RCAN1: variants seen among roughly 807,000 people sequenced by gnomAD.
The protein encoded by RCAN1 is regulator of calcineurin 1.
RCAN1 carries 11 observed loss-of-function variants against 22.9 expected under a neutral mutation model. The observed-to-expected ratio is 0.48, with a 90% confidence interval of 0.30 to 0.79. RCAN1 has a LOEUF of 0.79. Among genes scored for constraint, RCAN1 ranks in the 30% least tolerant of loss-of-function variants. The pLI, the probability that RCAN1 is intolerant of heterozygous loss-of-function variation, is 0.06. For synonymous variants in RCAN1, 136 were observed against 142.3 expected, an observed-to-expected ratio of 0.96 and a Z score of 0.32; for missense variants, 291 against 337.8, an observed-to-expected ratio of 0.86 and a Z score of 1.09.
chr21:34,614,925 C>A lies in RCAN1; in HGVS notation c.87G>T (p.Thr29=). 1 of 1,377,852 alleles carries A rather than the reference C, an allele frequency of 7.3e-7. No individual in the cohort carries two copies. Among genetic ancestry groups the A allele is most frequent in the South Asian group, 1.4e-5 (1 of 72,780 alleles). The allele number at this position is 1,377,852 out of a possible 1,614,324, so 85.4% of individuals were successfully genotyped here. A position where few individuals can be genotyped will look rare whatever the true frequency, so the allele number is the denominator to read the frequency against. Residue 29 remains threonine (T), a synonymous_variant, in exon 1 of 4, where the codon ACG becomes ACT. Coordinates refer to ENST00000313806, the MANE Select transcript of RCAN1 (RefSeq NM_004414.7). The surrounding 1 kb of genome is among the most constrained non-coding windows in gnomAD (Gnocchi z 6.0). The part of the protein sequence containing the change: ...AAEARARPGV[T]LRPFAPLSGA... ...CCGAGAGGGGCGCGAAGGGCCGCAG[C>A]GTCACCCCGGGCCGCGCTCGCGCCT...
intron 1 of RCAN1, among the ~76,000 whole-genome samples, chr21:34,601,632 C>A (rs1988347846): frequency 1.3e-5 from 2 of 152,078 alleles, no homozygotes; most frequent in Non-Finnish European, 2.9e-5. Flanking sequence ...TCTTGGCTAA[C>A]ACGGTGAAAC....
chr21:34,519,358 ATTTCT>A lies in RCAN1; in HGVS notation c.587-1107_587-1103del, dbSNP rs941708691. Among the ~76,000 whole-genome samples, 10 of 132,650 alleles carry A rather than the reference ATTTCT, an allele frequency of 7.5e-5. No individual in the cohort carries two copies. The South Asian group carries it at 1.5e-3, about 20-fold the overall frequency. 87.0% of individuals were successfully genotyped at this position (132,650 alleles called of 152,430 possible). Reference sequence around the variant, plus strand: ...TTTCTTCCAGGGCTTTGTGCTTGGGATTTCTTTTCTTTTCTTTTTTCTTTTTCTTT... The same window carrying A: ...TTTCTTCCAGGGCTTTGTGCTTGGGATTTCTTTTCTTTTTTCTTTTTCTTT... On this transcript the variant is annotated intron_variant, in intron 3 of 3. Coordinates refer to ENST00000313806, the MANE Select transcript of RCAN1 (RefSeq NM_004414.7).
chr21:34,601,546 C>T (rs992466293), intron 1 of RCAN1, among the ~76,000 whole-genome samples: 11 of 152,102 alleles, frequency 7.2e-5, no homozygotes, highest in Non-Finnish European at 5.9e-5. Flanking sequence ...AGGCTGGGCA[C>T]GGTGGCTCAC....
At chr21:34,538,298 A>AT (rs1985765207) in intron 1 of RCAN1, among the ~76,000 whole-genome samples, 1 of 152,202 alleles carries the variant, frequency 6.6e-6, no homozygotes. Context: ...TCTATGGTAC[A>AT]TTTTATTCCT....
chr21:34,606,495 T>C (rs1988531652), intron 1 of RCAN1, among the ~76,000 whole-genome samples: 1 of 152,224 alleles, frequency 6.6e-6, no homozygotes, highest in Admixed American at 6.5e-5. Context: ...AAGCACTTCA[T>C]ATTAATGAAT....
In RCAN1 at chr21:34,518,545, A is replaced by G. The variant is rs192783306; in HGVS notation, c.587-289T>C. Among the ~76,000 whole-genome samples the G allele has an allele frequency of 1.3e-5, 2 of 152,372 alleles. No individual in the cohort carries two copies. Among genetic ancestry groups the G allele is most frequent in the African/African-American group, 4.8e-5 (2 of 41,592 alleles). ...TCTAGTTATACTTCACATGTCCACC[A>G]GATATCTAAACTACCCAGAGAACTC... On this transcript the variant is annotated intron_variant, in intron 3 of 3. Coordinates refer to ENST00000313806, the MANE Select transcript of RCAN1 (RefSeq NM_004414.7). This position sits in a 1 kb window ranked among gnomAD's most constrained non-coding sequence, Gnocchi z 4.2.
Position 34,581,988 on chromosome 21 carries a change from G to A in RCAN1, c.252+32772C>T, listed in dbSNP as rs7281550. Among the ~76,000 whole-genome samples, 1,145 of 152,222 alleles carry A rather than the reference G, an allele frequency of 7.5e-3. 17 individuals are homozygous for A. The highest frequency in any genetic ancestry group is 0.025 in the African/African-American group (1,052 of 41,524). Reference sequence around the variant, plus strand: ...CCAGACGAGTCATCTACCCTTGTGGGTAGCTTCTCAACTCATCATCCAAGG... The same window carrying A: ...CCAGACGAGTCATCTACCCTTGTGGATAGCTTCTCAACTCATCATCCAAGG... On this transcript the variant is annotated intron_variant, in intron 1 of 3. Coordinates refer to ENST00000313806, the MANE Select transcript of RCAN1 (RefSeq NM_004414.7).
intron 1 of RCAN1, among the ~76,000 whole-genome samples, chr21:34,554,343 T>A (rs1288162593): frequency 6.6e-6 from 1 of 152,222 alleles, no homozygotes; most frequent in African/African-American, 2.4e-5. Flanking sequence ...TTTTTAGAAA[T>A]CTTTCTTTCA....
At chr21:34,608,395 C>T (rs1481343714) in intron 1 of RCAN1, among the ~76,000 whole-genome samples, 1 of 152,110 alleles carries the variant, frequency 6.6e-6, no homozygotes, top group Non-Finnish European at 1.5e-5. Flanking sequence ...TAGAATACAG[C>T]GAAAGTGATG....
rs1984086176 is a variant in RCAN1, at chr21:34,517,019, A to C, written c.*1065T>G. The C allele has an allele frequency of 6.6e-6, 1 of 152,650 alleles. No homozygotes were observed. Among genetic ancestry groups the C allele is most frequent in the Admixed American group, 6.5e-5 (1 of 15,290 alleles). 9.5% of individuals were successfully genotyped at this position (152,650 alleles called of 1,614,324 possible). A position where few individuals can be genotyped will look rare whatever the true frequency, so the allele number is the denominator to read the frequency against. On this transcript the variant is annotated 3_prime_UTR_variant, in exon 4 of 4. Coordinates refer to ENST00000313806, the MANE Select transcript of RCAN1 (RefSeq NM_004414.7). The stretch of plus-strand genomic sequence containing the variant: ...CAGCTTTTCCTACAACATATGATTC[A>C]CAGGTAGGTTAATACATCTTAGTCT...
At chr21:34,525,364 C>G in intron 1 of RCAN1, 1 of 1,472,820 alleles carries the variant, frequency 6.8e-7, no homozygotes, top group Non-Finnish European at 9.0e-7. Context: ...ACGAGGGATC[C>G]CGCAGAGGCA....
At chr21:34,577,970 T>C (rs1423596889) in intron 1 of RCAN1, among the ~76,000 whole-genome samples, 1 of 152,180 alleles carries the variant, frequency 6.6e-6, no homozygotes, top group Admixed American at 6.5e-5. Flanking sequence ...GTCTGCGGCA[T>C]GACCGAGGGG....
At chr21:34,531,520 C>A in intron 1 of RCAN1, among the ~76,000 whole-genome samples, 1 of 152,304 alleles carries the variant, frequency 6.6e-6, no homozygotes, top group African/African-American at 2.4e-5. Context: ...TCCCAACTGG[C>A]CTCGCTTGGC....
At chr21:34,587,727 G>A (rs1987846937) in intron 1 of RCAN1, among the ~76,000 whole-genome samples, 1 of 152,172 alleles carries the variant, frequency 6.6e-6, no homozygotes, top group African/African-American at 2.4e-5. Context: ...AACAATAAAA[G>A]TGAACTACTA....
intron 1 of RCAN1, among the ~76,000 whole-genome samples, chr21:34,594,558 G>A (rs1568927932): frequency 2.0e-5 from 3 of 151,716 alleles, no homozygotes; most frequent in Non-Finnish European, 4.4e-5. Flanking sequence ...CTCAAAACAA[G>A]AACAACAACA....
rs1987657540 is a variant in RCAN1 at position 34,582,692 on chromosome 21, G to A, written c.252+32068C>T. 2.6e-5 allele frequency among the ~76,000 whole-genome samples: 4 copies of A among 152,334 alleles called. No individual in the cohort carries two copies. The South Asian group carries it at 8.3e-4, about 32-fold the overall frequency. ...GCTAAATGTGCTCAGAGGACTCAGA[G>A]CAAGAGAGTGGCCAGGTTTGATTCA... On this transcript the variant is annotated intron_variant, in intron 1 of 3. Coordinates refer to ENST00000313806, the MANE Select transcript of RCAN1 (RefSeq NM_004414.7).
At chr21:34,532,166 C>G (rs751863059) in intron 1 of RCAN1, among the ~76,000 whole-genome samples, 1 of 151,992 alleles carries the variant, frequency 6.6e-6, no homozygotes, top group African/African-American at 2.4e-5. Flanking sequence ...TGAAGACAGG[C>G]CCGGGTGATC....
In RCAN1 at chr21:34,615,016, G is replaced by A. The variant is rs937505345; in HGVS notation, c.-5C>T. 2 of 1,054,658 alleles carry A rather than the reference G, an allele frequency of 1.9e-6. No individual in the cohort carries two copies. The highest frequency in any genetic ancestry group is 2.3e-6 in the Non-Finnish European group (2 of 878,522). The allele number at this position is 1,054,658 out of a possible 1,614,324, so 65.3% of individuals were successfully genotyped here. On this transcript the variant is annotated 5_prime_UTR_variant, in exon 1 of 4. Transcript: ENST00000313806. ...ACCGGCCACGCCGTCCTCCATCCCCGCGCCCGCGCGACCCTGTGCGCCCCA... is the reference window on the plus strand; with the variant it reads ...ACCGGCCACGCCGTCCTCCATCCCCACGCCCGCGCGACCCTGTGCGCCCCA...
At chr21:34,605,566 G>T (rs1421170165) in intron 1 of RCAN1, among the ~76,000 whole-genome samples, 1 of 152,138 alleles carries the variant, frequency 6.6e-6, no homozygotes, top group African/African-American at 2.4e-5. Flanking sequence ...AGCTATCCTA[G>T]GATTGAAATG....
Sources: allele counts gnomAD v4.1 joint callset (sites outside exome capture counted in the v4.1 genomes callset), GRCh38; gene constraint gnomAD v4.1.1; non-coding constraint Gnocchi (gnomAD v3.1); transcripts MANE v1.5; gene names NCBI Gene and HGNC (gene_info 2026-07-23, HGNC 2026-07-21).